CD46: variants seen among roughly 807,000 people sequenced by gnomAD.
CD46 encodes membrane cofactor protein.
Under a neutral mutation model 53.3 loss-of-function variants are expected in CD46, and 30 were observed. The observed-to-expected ratio is 0.56, with a 90% CI of 0.42 to 0.76. The LOEUF (loss-of-function observed/expected upper bound fraction) is 0.76. CD46 is among the 30% of genes least tolerant of loss of function. The probability of loss-of-function intolerance (pLI) is 0.00; values close to 1 mark genes in which losing one functional copy is unlikely to be tolerated. For synonymous variants in CD46, 142 were observed against 152.0 expected (o/e 0.93, Z 0.48); for missense variants, 409 against 463.0 (o/e 0.88, Z 1.07).
intron 10 of CD46, among the ~76,000 whole-genome samples, chr1:207,785,334 C>A (rs1049586187): frequency 6.6e-6 from 1 of 152,156 alleles, no homozygotes; most frequent in East Asian, 1.9e-4. Context: ...CTAAGTAATA[C>A]ATATTTTCTC....
At chr1:207,783,963 G>A (rs1040722420) in intron 9 of CD46, among the ~76,000 whole-genome samples, 6 of 152,248 alleles carry the variant, frequency 3.9e-5, no homozygotes, top group African/African-American at 7.2e-5. Flanking sequence ...AAAAGTAATG[G>A]CAGTTTAGAA....
intron 8 of CD46, among the ~76,000 whole-genome samples, chr1:207,776,584 C>T (rs1658137504): frequency 6.6e-6 from 1 of 152,022 alleles, no homozygotes; most frequent in South Asian, 2.1e-4. Context: ...TGAAAAATAA[C>T]ATCTTGTTTT....
intron 12 of CD46, among the ~76,000 whole-genome samples, chr1:207,792,903 A>T (rs1368063389): frequency 6.6e-6 from 1 of 152,242 alleles, no homozygotes; most frequent in Non-Finnish European, 1.5e-5. Flanking sequence ...AGAAAATAAA[A>T]TTATTTTTGC....
intron 1 of CD46, 21 bp from the exon 2 acceptor site, chr1:207,756,993 T>A: frequency 6.2e-7 from 1 of 1,601,952 alleles, no homozygotes; most frequent in Non-Finnish European, 8.6e-7. Flanking sequence ...CATCTTCATG[T>A]TCCTATTCTC....
intron 8 of CD46, among the ~76,000 whole-genome samples, chr1:207,773,690 T>A (rs1443902018): frequency 6.6e-6 from 1 of 152,314 alleles, no homozygotes; most frequent in East Asian, 1.9e-4. Flanking sequence ...TCAGTTTCCA[T>A]GTATTTGTGT....
intron 11 of CD46, 110 bp downstream of exon 11, chr1:207,785,792 A>T (rs1333831311): frequency 1.1e-5 from 8 of 708,574 alleles, no homozygotes; most frequent in African/African-American, 6.4e-5. Flanking sequence ...TTTTTTTTTT[A>T]AAAAAATGCC....
At chr1:207,753,786 A>T (rs1169969870) in intron 1 of CD46, among the ~76,000 whole-genome samples, 1 of 152,212 alleles carries the variant, frequency 6.6e-6, no homozygotes, top group East Asian at 1.9e-4. Flanking sequence ...TTCTGCCTTC[A>T]TGTGCGCGTC....
At chr1:207,767,560 C>G (rs369705174) in intron 6 of CD46, 2 of 1,400,240 alleles carry the variant, frequency 1.4e-6, no homozygotes, top group Non-Finnish European at 2.0e-6. Flanking sequence ...GAAATGAGAG[C>G]AATAACTCCC....
intron 11 of CD46, among the ~76,000 whole-genome samples, chr1:207,789,143 G>T (rs1425717742): frequency 1.3e-5 from 2 of 151,944 alleles, no homozygotes; most frequent in Admixed American, 6.6e-5. Flanking sequence ...TTAAGTAATG[G>T]TTTTTTTTAA....
rs530982751 is a variant in CD46 at position 207,787,165 on chromosome 1, G to A, written c.1082+1483G>A. Among the ~76,000 whole-genome samples, 3 of 152,196 alleles carry A rather than the reference G, an allele frequency of 2.0e-5. No homozygotes were observed. The South Asian group carries it at 6.2e-4, about 32-fold the overall frequency. The stretch of plus-strand genomic sequence containing the variant: ...TGGCTCGCTGCAACCTTGGCCTCCT[G>A]GGTTCAAGGGATTCTCTGCCTCAGC... On this transcript the variant is annotated intron_variant, in intron 11 of 12. Coordinates refer to ENST00000367042, the MANE Select transcript of CD46 (RefSeq NM_172351.3).
chr1:207,765,643 A>G (rs921687593), intron 5 of CD46, among the ~76,000 whole-genome samples: 4 of 152,222 alleles, frequency 2.6e-5, no homozygotes, highest in African/African-American at 7.2e-5. Flanking sequence ...AAAGGCCGAA[A>G]TGTAAACACA....
At chr1:207,763,807 G>T (rs1341384840) in intron 5 of CD46, among the ~76,000 whole-genome samples, 1 of 147,168 alleles carries the variant, frequency 6.8e-6, no homozygotes, top group African/African-American at 2.5e-5. Context: ...GAGTTTCCTT[G>T]CATTGTTAAC....
Position 207,790,315 on chromosome 1 carries a change from TGAGA to T in CD46, c.*14_*17del. On this transcript the variant is annotated 3_prime_UTR_variant, in exon 12 of 13. Transcript: ENST00000367042. ...TTTACTTCTCTCTGAGAAGGAGAGA[TGAGA>T]GAAAGGTTTGCTTTTATCATTAAAA... 6.3e-7 allele frequency: 1 copy of T among 1,588,256 alleles called. No individual in the cohort carries two copies. The highest frequency in any genetic ancestry group is 8.6e-7 in the Non-Finnish European group (1 of 1,156,774).
rs148656254 is a variant in CD46, at chr1:207,781,160, T to C, written c.944-2132T>C. On this transcript the variant is annotated intron_variant, in intron 8 of 12. Coordinates refer to ENST00000367042, the MANE Select transcript of CD46 (RefSeq NM_172351.3). ...CTAATAGATATGAAGTAGATATGCA[T>C]ACTAGATATGCATTTCCCTAAAAAT... 3.3e-4 allele frequency among the ~76,000 whole-genome samples: 49 copies of C among 149,838 alleles called. No individual in the cohort carries two copies. The East Asian group carries it at 6.1e-3, about 19-fold the overall frequency.
intron 8 of CD46, among the ~76,000 whole-genome samples, chr1:207,781,475 T>C (rs1264895978): frequency 6.6e-6 from 1 of 152,180 alleles, no homozygotes; most frequent in Admixed American, 6.5e-5. Context: ...TGCCTGGGCT[T>C]TTAGAGTCAC....
chr1:207,761,587 T>G, intron 5 of CD46, 141 bp downstream of exon 5: 1 of 698,496 alleles, frequency 1.4e-6, no homozygotes, highest in Non-Finnish European at 2.5e-6. Flanking sequence ...TTAATTCAGG[T>G]CAATTCAAGT....
At chr1:207,764,307 A>G (rs983661281) in intron 5 of CD46, among the ~76,000 whole-genome samples, 10 of 152,226 alleles carry the variant, frequency 6.6e-5, no homozygotes, top group Non-Finnish European at 1.5e-4. Context: ...GCTCTGTTAA[A>G]TTGGTGCTGG....
rs1220412353 is a variant in CD46, at chr1:207,793,615, C to T, written c.*138C>T. 2 of 1,597,216 alleles carry T rather than the reference C, an allele frequency of 1.3e-6. No individual in the cohort carries two copies. The highest frequency in any genetic ancestry group is 1.7e-6 in the Non-Finnish European group (2 of 1,164,876). ...GAATAGATTCCACAACCTGGTTTGC[C>T]AGTTCATCTTTTGACTCTATTAAAA... is the stretch of plus-strand genomic sequence containing the variant. On this transcript the variant is annotated 3_prime_UTR_variant, in exon 13 of 13. Transcript: ENST00000367042.
intron 11 of CD46, chr1:207,786,098 T>C (rs1659250216): frequency 5.4e-6 from 1 of 184,282 alleles, no homozygotes; most frequent in African/African-American, 2.4e-5. Flanking sequence ...ATAATGAAAG[T>C]TTCCACTTGT....
Sources: gnomAD v4.1 joint callset for allele counts (sites outside exome capture counted in the v4.1 genomes callset) on GRCh38, gnomAD v4.1.1 for gene constraint, MANE v1.5 for transcripts, NCBI Gene and HGNC (gene_info 2026-07-23, HGNC 2026-07-21) for gene names.